Variants in SKAP1 observed in about 807,000 individuals in gnomAD.
SKAP1 encodes src kinase associated phosphoprotein 1.
Under a neutral mutation model 58.5 loss-of-function variants are expected in SKAP1, and 44 were observed. That is an observed-to-expected ratio of 0.75 (90% CI 0.59 to 0.97). The LOEUF is 0.97. Among genes scored for constraint, SKAP1 ranks in the 50% least tolerant of loss-of-function variants. The pLI is 0.00. For synonymous variants in SKAP1, 127 were observed against 149.7 expected (o/e 0.85, Z 1.11); for missense variants, 390 against 435.2 (o/e 0.90, Z 0.92).
chr17:48,354,229 C>T (rs1235130765), intron 3 of SKAP1, among the ~76,000 whole-genome samples: 2 of 152,188 alleles, frequency 1.3e-5, no homozygotes, highest in Non-Finnish European at 2.9e-5. Flanking sequence ...CCACATCCCA[C>T]TCCAAACAGG....
chr17:48,373,514 A>T (rs973803238), intron 2 of SKAP1, among the ~76,000 whole-genome samples: 5 of 151,458 alleles, frequency 3.3e-5, no homozygotes, highest in Admixed American at 2.6e-4. Context: ...TGTAATATAT[A>T]AAAAAAAATA....
intron 4 of SKAP1, among the ~76,000 whole-genome samples, chr17:48,216,334 G>T (rs921833969): frequency 2.0e-5 from 3 of 152,166 alleles, no homozygotes; most frequent in Non-Finnish European, 4.4e-5. Context: ...TTACAACTGA[G>T]ATTCTATCTT....
chr17:48,436,750 C>T, the SKAP1 span, among the ~76,000 whole-genome samples: 9 of 152,062 alleles, frequency 5.9e-5, no homozygotes, highest in African/African-American at 2.2e-4. Context: ...ATCTCATGTC[C>T]TTTCTCCTCC....
chr17:48,367,211 C>G (rs1262790514), intron 2 of SKAP1, among the ~76,000 whole-genome samples: 1 of 152,020 alleles, frequency 6.6e-6, no homozygotes, highest in Non-Finnish European at 1.5e-5. Flanking sequence ...ACCTTAAGAA[C>G]TCAGCAGTAT....
intron 4 of SKAP1, among the ~76,000 whole-genome samples, chr17:48,317,336 T>A (rs994983746): frequency 2.0e-5 from 3 of 152,214 alleles, no homozygotes; most frequent in Admixed American, 6.5e-5. Context: ...TTCATTTCTT[T>A]TTTAGGGGTC....
At chr17:48,293,259 A>G (rs1377072405) in intron 4 of SKAP1, among the ~76,000 whole-genome samples, 1 of 152,234 alleles carries the variant, frequency 6.6e-6, no homozygotes, top group African/African-American at 2.4e-5. Context: ...ATAAATAAAT[A>G]CATTTAAAGC....
intron 11 of SKAP1, among the ~76,000 whole-genome samples, chr17:48,148,493 G>A (rs1415230182): frequency 1.3e-5 from 2 of 152,174 alleles, no homozygotes; most frequent in Admixed American, 6.5e-5. Flanking sequence ...AAACTGCGCA[G>A]CTCTGCACCG....
intron 4 of SKAP1, among the ~76,000 whole-genome samples, chr17:48,263,017 A>C (rs531140108): frequency 6.6e-6 from 1 of 152,302 alleles, no homozygotes; most frequent in African/African-American, 2.4e-5. Context: ...TTTTTTTTCA[A>C]ATGTCTGTTT....
At chr17:48,431,945 C>G (rs567326672), upstream of SKAP1, among the ~76,000 whole-genome samples, 4 of 152,156 alleles carry the variant, frequency 2.6e-5, no homozygotes, top group Non-Finnish European at 5.9e-5. Context: ...AGAGATACAG[C>G]CTCAAAGATG....
intron 4 of SKAP1, among the ~76,000 whole-genome samples, chr17:48,274,454 T>G (rs1361654968): frequency 1.3e-5 from 2 of 151,636 alleles, no homozygotes; most frequent in Non-Finnish European, 2.9e-5. Flanking sequence ...CCCAGCACTT[T>G]GGGAGGCCGA....
At chr17:48,395,474 T>C (rs982641533) in intron 2 of SKAP1, among the ~76,000 whole-genome samples, 2 of 152,076 alleles carry the variant, frequency 1.3e-5, no homozygotes, top group Admixed American at 6.6e-5. Flanking sequence ...CTTAGAGTAA[T>C]CATAAAATAC....
intron 4 of SKAP1, among the ~76,000 whole-genome samples, chr17:48,304,399 AGT>A (rs2066107196): frequency 1.3e-5 from 2 of 152,218 alleles, no homozygotes; most frequent in African/African-American, 4.8e-5. Flanking sequence ...AAAGAACAAA[AGT>A]GTGGGAGAAT....
intron 1 of SKAP1, among the ~76,000 whole-genome samples, chr17:48,411,795 T>A (rs1356905876): frequency 6.6e-6 from 1 of 152,152 alleles, no homozygotes; most frequent in East Asian, 1.9e-4. Context: ...TATAGGGGCA[T>A]TCTACAATAT....
At chr17:48,231,345 C>T (rs1349119446) in intron 4 of SKAP1, among the ~76,000 whole-genome samples, 1 of 152,124 alleles carries the variant, frequency 6.6e-6, no homozygotes, top group East Asian at 1.9e-4. Flanking sequence ...TTTCAAAAAA[C>T]AGCTAATAAT....
chr17:48,432,536 C>T (rs2067925640), upstream of SKAP1, among the ~76,000 whole-genome samples: 1 of 152,128 alleles, frequency 6.6e-6, no homozygotes, highest in South Asian at 2.1e-4. Flanking sequence ...CCAACTTCAC[C>T]ACTTCACCTA....
the SKAP1 span, among the ~76,000 whole-genome samples, chr17:48,440,917 T>G: frequency 6.6e-6 from 1 of 152,114 alleles, no homozygotes; most frequent in Non-Finnish European, 1.5e-5. Context: ...CAGAGGGAAA[T>G]GTAGCTGCAT....
intron 9 of SKAP1, among the ~76,000 whole-genome samples, chr17:48,177,977 G>C (rs937540881): frequency 1.3e-5 from 2 of 152,114 alleles, no homozygotes; most frequent in Admixed American, 6.5e-5. Context: ...GTGGATAGAG[G>C]TTAAATGTAC....
chr17:48,275,785 A>G (rs2065692113), intron 4 of SKAP1, among the ~76,000 whole-genome samples: 1 of 152,202 alleles, frequency 6.6e-6, no homozygotes, highest in African/African-American at 2.4e-5. Context: ...TCATCACCAG[A>G]TGTCCTCATA....
chr17:48,188,451 C>T (rs2064488823), intron 5 of SKAP1, among the ~76,000 whole-genome samples: 1 of 152,102 alleles, frequency 6.6e-6, no homozygotes, highest in South Asian at 2.1e-4. Flanking sequence ...CTTTGGGAGG[C>T]TGAGATGGGA....
Sources: gnomAD v4.1 joint callset for allele counts (sites outside exome capture counted in the v4.1 genomes callset) on GRCh38, gnomAD v4.1.1 for gene constraint, MANE v1.5 for transcripts, NCBI Gene and HGNC (gene_info 2026-07-23, HGNC 2026-07-21) for gene names.